Variants in TMOD2 observed in about 807,000 individuals in gnomAD.
The protein encoded by TMOD2 is tropomodulin 2.
In TMOD2, 22 loss-of-function variants were observed where a neutral mutation model predicts 39.9. The ratio of observed to expected loss-of-function variants is 0.55; its 90% CI spans 0.39 to 0.79. The LOEUF (loss-of-function observed/expected upper bound fraction) is 0.79, where lower values mean the gene tolerates loss of function less well. Among genes scored for constraint, TMOD2 ranks in the 30% least tolerant of loss-of-function variants. TMOD2 has a pLI of 0.00. For missense variants in TMOD2, 386 were observed against 413.3 expected, an observed-to-expected ratio of 0.93 and a Z score of 0.57; for synonymous variants, 123 against 146.1, an observed-to-expected ratio of 0.84 and a Z score of 1.14.
At chr15:51,783,175 A>G in intron 7 of TMOD2, 1 of 213,036 alleles carries the variant, frequency 4.7e-6, no homozygotes, top group Non-Finnish European at 9.5e-6. Flanking sequence ...CCCTTCAGGA[A>G]TTAGGCATCT....
intron 1 of TMOD2, among the ~76,000 whole-genome samples, chr15:51,759,074 G>A (rs142900085): frequency 1.2e-4 from 19 of 152,348 alleles, no homozygotes; most frequent in Middle Eastern, 6.8e-3. Flanking sequence ...ATGGCGAATG[G>A]ATCAGGAAGG....
chr15:51,766,107 C>T (rs535962095), intron 1 of TMOD2, among the ~76,000 whole-genome samples: 1 of 152,312 alleles, frequency 6.6e-6, no homozygotes, highest in Non-Finnish European at 1.5e-5. Flanking sequence ...GCCACTTTCA[C>T]CTCAGAATTG....
chr15:51,766,642 G>C (rs532848773), intron 2 of TMOD2, 75 bp downstream of exon 2: 1 of 1,473,804 alleles, frequency 6.8e-7, no homozygotes, highest in African/African-American at 1.4e-5. Context: ...CTTAAACAAT[G>C]GTAGAAATCC....
At chr15:51,795,577 G>GCTTGCTTTCTTTCTTT (rs1491143300) in intron 7 of TMOD2, among the ~76,000 whole-genome samples, 2 of 42,074 alleles carry the variant, frequency 4.8e-5, no homozygotes, top group Non-Finnish European at 6.0e-5. Context: ...TTGCTTGCTT[G>GCTTGCTTTCTTTCTTT]CTTTCTTTCT....
At position 51,815,842 on chromosome 15, in the gene TMOD2, C is replaced by T. The variant is rs1301257703; in HGVS notation, c.*7388C>T. On this transcript the variant is annotated 3_prime_UTR_variant, in exon 10 of 10. Coordinates refer to ENST00000249700, the MANE Select transcript of TMOD2 (RefSeq NM_014548.4). ...TGTAACATTTTACCAGTTCAGATGCCTGTAATGTGTGACTTTATGTGTGTC... is the reference window on the plus strand; with the variant it reads ...TGTAACATTTTACCAGTTCAGATGCTTGTAATGTGTGACTTTATGTGTGTC... 6.6e-6 allele frequency: 1 copy of T among 152,106 alleles called. No homozygotes were observed. The highest frequency in any genetic ancestry group is 1.5e-5 in the Non-Finnish European group (1 of 68,010). The allele number at this position is 152,106 out of a possible 1,614,324, so 9.4% of individuals were successfully genotyped here.
rs1313321554 is a variant in TMOD2, at chr15:51,812,363, A to T, written c.*3909A>T. The stretch of plus-strand genomic sequence containing the variant: ...TTAGGGAAACCAATGTCCTCCGAAT[A>T]GCTGCCATGAGAACATTTCAGATGC... On this transcript the variant is annotated 3_prime_UTR_variant, in exon 10 of 10. Transcript: ENST00000249700. 1 of 152,252 alleles carries T rather than the reference A, an allele frequency of 6.6e-6. No homozygotes were observed. Among genetic ancestry groups the T allele is most frequent in the Non-Finnish European group, 1.5e-5 (1 of 68,042 alleles). The allele number at this position is 152,252 out of a possible 1,614,324, so 9.4% of individuals were successfully genotyped here.
At chr15:51,804,717 TGCCTGCCACCGC>T (rs931690265) in intron 8 of TMOD2, among the ~76,000 whole-genome samples, 1 of 151,556 alleles carries the variant, frequency 6.6e-6, no homozygotes, top group African/African-American at 2.4e-5. Context: ...GGACTACAGG[TGCCTGCCACCGC>T]ACCCAGCTAG....
chr15:51,806,681 T>A (rs1339681285), intron 9 of TMOD2, among the ~76,000 whole-genome samples, 160 bp downstream of exon 9: 1 of 152,218 alleles, frequency 6.6e-6, no homozygotes, highest in Non-Finnish European at 1.5e-5. Context: ...CATAGGAGTC[T>A]TTGTGGTCCT....
intron 9 of TMOD2, among the ~76,000 whole-genome samples, 175 bp downstream of exon 9, chr15:51,806,696 G>A (rs1263012801): frequency 3.3e-5 from 5 of 152,208 alleles, no homozygotes; most frequent in Admixed American, 1.3e-4. Flanking sequence ...GGTCCTCGCA[G>A]TGTTAAGTTT....
chr15:51,760,839 C>G (rs780638591), intron 1 of TMOD2, among the ~76,000 whole-genome samples: 12 of 152,042 alleles, frequency 7.9e-5, no homozygotes, highest in Non-Finnish European at 1.8e-4. Flanking sequence ...AATCCTTAAT[C>G]TAATCACAAC....
At chr15:51,780,743 C>A (rs1461183860) in intron 5 of TMOD2, among the ~76,000 whole-genome samples, 1 of 152,166 alleles carries the variant, frequency 6.6e-6, no homozygotes, top group Non-Finnish European at 1.5e-5. Context: ...CCATATGGAG[C>A]AGCAATAACG....
At chr15:51,782,929 T>G (rs2055941345) in intron 7 of TMOD2, 101 bp downstream of exon 7, 1 of 1,126,218 alleles carries the variant, frequency 8.9e-7, no homozygotes, top group Non-Finnish European at 1.3e-6. Flanking sequence ...TCTGGAAAAC[T>G]TACCTTCTAC....
intron 1 of TMOD2, among the ~76,000 whole-genome samples, chr15:51,766,098 C>T (rs1451743504): frequency 1.3e-5 from 2 of 152,210 alleles, no homozygotes; most frequent in Non-Finnish European, 2.9e-5. Flanking sequence ...AGGCACTAGG[C>T]CACTTTCACC....
chr15:51,779,678 T>C (rs2055916186), intron 5 of TMOD2, among the ~76,000 whole-genome samples: 1 of 151,602 alleles, frequency 6.6e-6, no homozygotes, highest in Admixed American at 6.6e-5. Flanking sequence ...GGATAGATAA[T>C]GAAGATACTT....
chr15:51,798,202 T>C lies in TMOD2; in HGVS notation c.738T>C (p.Phe246=). 1 of 1,596,090 alleles carries C rather than the reference T, an allele frequency of 6.3e-7. No homozygotes were observed. ...TRSNDPVAIA[F]ADMLKVNKTL... is the part of the protein sequence containing the mutation. ...TTTTCTTTTTGCATCATAAGGCTTTTGCAGACATGCTGAAAGTAAACAAGA... is the reference window on the plus strand; with the variant it reads ...TTTTCTTTTTGCATCATAAGGCTTTCGCAGACATGCTGAAAGTAAACAAGA... The change falls in exon 8 of 10, where the codon TTT becomes TTC. Residue 246 remains phenylalanine (F), a synonymous_variant. Coordinates refer to ENST00000249700, the MANE Select transcript of TMOD2 (RefSeq NM_014548.4).
chr15:51,756,778 TGA>T (rs2055745019), intron 1 of TMOD2, among the ~76,000 whole-genome samples: 1 of 152,248 alleles, frequency 6.6e-6, no homozygotes, highest in African/African-American at 2.4e-5. Flanking sequence ...TATTTCAGAC[TGA>T]GACTTCTCCT....
chr15:51,768,847 A>T (rs1448180694), intron 3 of TMOD2, among the ~76,000 whole-genome samples: 3 of 152,180 alleles, frequency 2.0e-5, no homozygotes, highest in Admixed American at 1.3e-4. Flanking sequence ...AGGGTCAAGC[A>T]AGGGAACTGT....
Position 51,811,923 on chromosome 15 carries a change from C to G in TMOD2, c.*3469C>G, listed in dbSNP as rs1230967307. On this transcript the variant is annotated 3_prime_UTR_variant, in exon 10 of 10. Transcript: ENST00000249700. ...AGAAATCATTTAGTTGTTCTAGCAC[C>G]AAATCTATCCATTTGCCTAATGTAT... 4 of 152,164 alleles carry G rather than the reference C, an allele frequency of 2.6e-5. No individual in the cohort carries two copies. Among genetic ancestry groups the G allele is most frequent in the South Asian group, 2.1e-4 (1 of 4,834 alleles). The allele number at this position is 152,164 out of a possible 1,614,324, so 9.4% of individuals were successfully genotyped here.
intron 7 of TMOD2, among the ~76,000 whole-genome samples, chr15:51,794,344 T>C (rs531396577): frequency 6.6e-6 from 1 of 152,346 alleles, no homozygotes; most frequent in African/African-American, 2.4e-5. Flanking sequence ...ATTAAAATAG[T>C]TCAGAACTTT....
Sources: allele counts gnomAD v4.1 joint callset (sites outside exome capture counted in the v4.1 genomes callset), GRCh38; gene constraint gnomAD v4.1.1; transcripts MANE v1.5; gene names NCBI Gene and HGNC (gene_info 2026-07-23, HGNC 2026-07-21).